CTNNA3: variants seen among roughly 807,000 people sequenced by gnomAD.
CTNNA3 encodes the protein catenin alpha 3.
A neutral mutation model predicts 95.7 loss-of-function variants in CTNNA3; 76 were observed. That is an observed-to-expected ratio of 0.79 (90% CI 0.66 to 0.96). CTNNA3 has a LOEUF of 0.96. CTNNA3 is among the 40% of genes least tolerant of loss of function. The probability of loss-of-function intolerance (pLI) is 0.00; values close to 1 mark genes in which losing one functional copy is unlikely to be tolerated. For synonymous variants in CTNNA3, 431 were observed against 374.4 expected (o/e 1.15, Z -1.74); for missense variants, 1,191 against 1,089.8 (o/e 1.09, Z -1.31).
chr10:67,475,431 T>C (rs1245947981), intron 5 of CTNNA3, among the ~76,000 whole-genome samples: 1 of 152,100 alleles, frequency 6.6e-6, no homozygotes, highest in African/African-American at 2.4e-5. Flanking sequence ...CTCAAAAAAA[T>C]CTGTCATAAA....
At chr10:66,138,014 G>A (rs2083439354) in intron 13 of CTNNA3, among the ~76,000 whole-genome samples, 1 of 150,976 alleles carries the variant, frequency 6.6e-6, no homozygotes, top group African/African-American at 2.4e-5. Flanking sequence ...TATCTATATA[G>A]AGAAAAAACA....
At chr10:67,204,377 C>A (rs529169750) in intron 6 of CTNNA3, among the ~76,000 whole-genome samples, 5 of 151,738 alleles carry the variant, frequency 3.3e-5, no homozygotes, top group East Asian at 1.9e-4. Context: ...CACCTCCCCC[C>A]CTCTCTCTTC....
intron 7 of CTNNA3, among the ~76,000 whole-genome samples, chr10:67,162,767 A>G (rs929223075): frequency 1.3e-5 from 2 of 151,932 alleles, no homozygotes; most frequent in African/African-American, 4.8e-5. Context: ...AATTAACAAA[A>G]ATAAAAGAGA....
Position 66,528,240 on chromosome 10 carries a change from T to A in CTNNA3, c.1375-7467A>T, listed in dbSNP as rs190775791. On this transcript the variant is annotated intron_variant, in intron 10 of 17. Coordinates refer to ENST00000433211, the MANE Select transcript of CTNNA3 (RefSeq NM_013266.4). ...AGCCAGTTTAGTTAGCTTCAGCTGG[T>A]CCCATTCTATCTTCTTTAGGCTTCT... Among the ~76,000 whole-genome samples the A allele has an allele frequency of 1.2e-4, 18 of 152,282 alleles. No homozygotes were observed. In the East Asian group the frequency reaches 3.5e-3, roughly 29 times the overall value.
chr10:66,282,150 C>T (rs141896252), intron 12 of CTNNA3, among the ~76,000 whole-genome samples: 1 of 151,896 alleles, frequency 6.6e-6, no homozygotes, highest in East Asian at 1.9e-4. Flanking sequence ...CCACTTTGCA[C>T]TGAGAAACCT....
At chr10:66,956,016 GA>G (rs1848773895) in intron 7 of CTNNA3, among the ~76,000 whole-genome samples, 1 of 152,102 alleles carries the variant, frequency 6.6e-6, no homozygotes, top group East Asian at 1.9e-4. Flanking sequence ...GCCTTTAAGG[GA>G]ATTCTGCAGA....
intron 7 of CTNNA3, among the ~76,000 whole-genome samples, chr10:66,941,827 T>C (rs1848011293): frequency 6.6e-6 from 1 of 152,180 alleles, no homozygotes; most frequent in African/African-American, 2.4e-5. Context: ...TATATCCAAG[T>C]TTTTATTATA....
At chr10:66,008,976 T>A (rs1299281765) in intron 15 of CTNNA3, among the ~76,000 whole-genome samples, 1 of 152,070 alleles carries the variant, frequency 6.6e-6, no homozygotes, top group East Asian at 1.9e-4. Flanking sequence ...GGCACGCACC[T>A]GTAATCCCAG....
chr10:66,029,514 A>C (rs1299180003), intron 15 of CTNNA3, among the ~76,000 whole-genome samples: 2 of 152,180 alleles, frequency 1.3e-5, no homozygotes. Flanking sequence ...TGTACCTCAA[A>C]TATTGTTTAA....
At chr10:66,291,997 G>A (rs901952002) in intron 12 of CTNNA3, among the ~76,000 whole-genome samples, 8 of 150,018 alleles carry the variant, frequency 5.3e-5, no homozygotes, top group African/African-American at 1.7e-4. Flanking sequence ...CATTTGATGT[G>A]GAACACATAC....
chr10:67,573,160 T>C (rs1381592605), intron 3 of CTNNA3, among the ~76,000 whole-genome samples: 1 of 152,138 alleles, frequency 6.6e-6, no homozygotes, highest in Non-Finnish European at 1.5e-5. Context: ...TCGATGTGAT[T>C]ATCATGACAT....
intron 9 of CTNNA3, among the ~76,000 whole-genome samples, chr10:66,647,474 T>G (rs1845745620): frequency 6.6e-6 from 1 of 151,900 alleles, no homozygotes; most frequent in Non-Finnish European, 1.5e-5. Flanking sequence ...TAAGTAATTT[T>G]GAAGAATAGC....
intron 13 of CTNNA3, among the ~76,000 whole-genome samples, chr10:66,232,833 C>A (rs2089652044): frequency 6.6e-6 from 1 of 152,050 alleles, no homozygotes; most frequent in Non-Finnish European, 1.5e-5. Context: ...AAAATTGTAT[C>A]TTAACTTTTA....
rs150500568 is a variant in CTNNA3 at position 67,197,897 on chromosome 10, G to A, written c.844-17377C>T. Among the ~76,000 whole-genome samples, 760 of 152,042 alleles carry A rather than the reference G, an allele frequency of 5.0e-3. 5 individuals are homozygous for A. The highest frequency in any genetic ancestry group is 0.018 in the African/African-American group (738 of 41,478). On this transcript the variant is annotated intron_variant, in intron 6 of 17. Coordinates refer to ENST00000433211, the MANE Select transcript of CTNNA3 (RefSeq NM_013266.4). ...ATAAGTGCCACAAAATCATCATTTT[G>A]GAGTCTACATAAAGCTACATTGTCT...
At position 67,606,909 on chromosome 10, in the gene CTNNA3, A is replaced by G. The variant is rs564981915; in HGVS notation, c.240T>C (p.Ala80=). 243 of 1,614,154 alleles carry G rather than the reference A, an allele frequency of 1.5e-4. 2 individuals carry two copies. The South Asian group carries it at 2.5e-3, about 17-fold the overall frequency. ...LDKGEKIAQE[A]TVLKDELTAS... ...CCGTAAGCTCATCCTTTAAAACTGT[A>G]GCTTCCTGGGCAATCTTCTCTCCCT... Residue 80 remains alanine (A), a synonymous_variant, in exon 3 of 18, where the codon GCT becomes GCC. Transcript: ENST00000433211.
At chr10:67,366,732 G>A (rs1370299124) in intron 5 of CTNNA3, among the ~76,000 whole-genome samples, 5 of 151,964 alleles carry the variant, frequency 3.3e-5, no homozygotes, top group African/African-American at 9.7e-5. Context: ...CTTTGACAAA[G>A]TTGATGAAAA....
At chr10:66,174,448 C>T (rs190952166) in intron 13 of CTNNA3, among the ~76,000 whole-genome samples, 11 of 151,926 alleles carry the variant, frequency 7.2e-5, no homozygotes, top group East Asian at 1.9e-4. Context: ...AAAACACTGA[C>T]GCTGCATCTA....
chr10:66,170,205 G>C (rs1335798298), intron 13 of CTNNA3, among the ~76,000 whole-genome samples: 1 of 144,386 alleles, frequency 6.9e-6, no homozygotes, highest in Non-Finnish European at 1.5e-5. Flanking sequence ...TATAAGGTGA[G>C]AGATGAGAAT....
At chr10:65,998,179 C>T (rs2133356240) in intron 15 of CTNNA3, among the ~76,000 whole-genome samples, 1 of 152,168 alleles carries the variant, frequency 6.6e-6, no homozygotes, top group Admixed American at 6.5e-5. Flanking sequence ...GAGAAGTTTT[C>T]CATTTGTTTC....
Sources: gnomAD v4.1 joint callset for allele counts (sites outside exome capture counted in the v4.1 genomes callset) on GRCh38, gnomAD v4.1.1 for gene constraint, MANE v1.5 for transcripts, NCBI Gene and HGNC (gene_info 2026-07-23, HGNC 2026-07-21) for gene names.